The following KPNA7 variants were observed in gnomAD, a reference collection of about 807,000 sequenced individuals.
KPNA7 encodes the protein karyopherin subunit alpha 7.
KPNA7 carries 54 observed loss-of-function variants against 53.7 expected under a neutral mutation model. The ratio of observed to expected loss-of-function variants is 1.01; its 90% CI spans 0.81 to 1.26. The LOEUF (loss-of-function observed/expected upper bound fraction) is 1.26, where lower values mean the gene tolerates loss of function less well. Among genes scored for constraint, KPNA7 ranks in the 50% most tolerant of loss-of-function variants. KPNA7 has a pLI of 0.00. For missense variants in KPNA7, 640 were observed against 644.5 expected (o/e 0.99, Z 0.07); for synonymous variants, 276 against 259.3 (o/e 1.06, Z -0.62).
the KPNA7 span, among the ~76,000 whole-genome samples, chr7:99,156,364 T>G: frequency 1.2e-3 from 190 of 152,316 alleles, 1 homozygote; most frequent in African/African-American, 4.4e-3. Flanking sequence ...TCTCATTCTT[T>G]TATAGGTAAT....
At chr7:99,195,399 T>A in intron 4 of KPNA7, 61 bp from the exon 5 acceptor site, 1 of 1,477,122 alleles carries the variant, frequency 6.8e-7, no homozygotes, top group Non-Finnish European at 9.2e-7. Context: ...ATTAAGGACC[T>A]CCTTTTAGGC....
At position 99,188,389 on chromosome 7, in the gene KPNA7, C is replaced by T. The variant is rs183724463; in HGVS notation, c.811G>A (p.Gly271Ser). ...ACWALSYLTD[G>S]SNKRIGQVVN... Reference sequence around the variant, plus strand: ...ACTTGGCCGATGCGCTTGTTGGAGCCGTCGGTGAGGTAGGACAGTGCCCAG... The same window carrying T: ...ACTTGGCCGATGCGCTTGTTGGAGCTGTCGGTGAGGTAGGACAGTGCCCAG... Residue 271 changes from glycine (G) to serine (S), a missense_variant, in exon 7 of 11, where the codon GGC becomes AGC. Transcript: ENST00000327442. 1.7e-4 allele frequency: 271 copies of T among 1,551,566 alleles called. No individual in the cohort carries two copies. The highest frequency in any genetic ancestry group is 5.6e-4 in the East Asian group (23 of 40,910).
At chr7:99,205,030 T>C (rs936054992) in intron 2 of KPNA7, among the ~76,000 whole-genome samples, 1 of 152,178 alleles carries the variant, frequency 6.6e-6, no homozygotes, top group Non-Finnish European at 1.5e-5. Flanking sequence ...TTCCTGTTGC[T>C]GTGAAGACTC....
chr7:99,206,298 T>C (rs1489577600), intron 2 of KPNA7, among the ~76,000 whole-genome samples: 1 of 151,790 alleles, frequency 6.6e-6, no homozygotes, highest in Non-Finnish European at 1.5e-5. Flanking sequence ...GTAGCTGGGA[T>C]TACAGGCCCC....
At chr7:99,152,468 G>A in the KPNA7 span, among the ~76,000 whole-genome samples, 1 of 152,114 alleles carries the variant, frequency 6.6e-6, no homozygotes, top group African/African-American at 2.4e-5. Flanking sequence ...AATATGCCTT[G>A]GATATGGGCA....
At position 99,214,278 on chromosome 7, in the gene KPNA7, C is replaced by CAA. The variant is rs112803395; in HGVS notation, c.-23-6791_-23-6790dup. Among the ~76,000 whole-genome samples, 122 of 111,476 alleles carry CAA rather than the reference C, an allele frequency of 1.1e-3. 1 individual carries two copies. In the East Asian group the frequency reaches 0.025, roughly 23 times the overall value. 73.1% of individuals were successfully genotyped at this position (111,476 alleles called of 152,430 possible). A position where few individuals can be genotyped will look rare whatever the true frequency, so the allele number is the denominator to read the frequency against. On this transcript the variant is annotated intron_variant, in intron 1 of 10. Transcript: ENST00000681060. ...AAACCCCGTCTCTACTAAAAATATA[C>CAA]AAAAAAAAAAAAAAATTAGCCAGGG...
chr7:99,178,942 GC>G (rs1799038777), intron 9 of KPNA7, among the ~76,000 whole-genome samples: 1 of 151,660 alleles, frequency 6.6e-6, no homozygotes, highest in South Asian at 2.1e-4. Flanking sequence ...GCCATGCCAG[GC>G]TTTTTTGTAT....
intron 6 of KPNA7, among the ~76,000 whole-genome samples, chr7:99,192,544 C>G (rs1465259175): frequency 6.6e-6 from 1 of 152,180 alleles, no homozygotes; most frequent in Non-Finnish European, 1.5e-5. Flanking sequence ...TCCTGAGTAG[C>G]TGAGACTACA....
At chr7:99,186,963 C>T (rs1342914706) in intron 7 of KPNA7, among the ~76,000 whole-genome samples, 1 of 152,092 alleles carries the variant, frequency 6.6e-6, no homozygotes, top group Non-Finnish European at 1.5e-5. Context: ...CATTTCAAAG[C>T]AGTATATGAT....
chr7:99,211,214 G>T (rs1292839082), upstream of KPNA7, among the ~76,000 whole-genome samples: 2 of 152,196 alleles, frequency 1.3e-5, no homozygotes, highest in Non-Finnish European at 1.5e-5. Flanking sequence ...GAGGTCAGGA[G>T]TTCGAGACCA....
intron 7 of KPNA7, among the ~76,000 whole-genome samples, chr7:99,185,841 A>C (rs928144554): frequency 3.9e-5 from 6 of 152,066 alleles, no homozygotes; most frequent in Non-Finnish European, 8.8e-5. Context: ...CCCAGACTGG[A>C]GTATAGTGGT....
intron 5 of KPNA7, among the ~76,000 whole-genome samples, chr7:99,194,487 G>C (rs7789312): frequency 6.6e-6 from 1 of 152,066 alleles, no homozygotes; most frequent in Non-Finnish European, 1.5e-5. Flanking sequence ...TTGAAGCCAC[G>C]AAGCCCTGAG....
intron 10 of KPNA7, 85 bp downstream of exon 10, chr7:99,177,835 C>T: frequency 1.4e-6 from 2 of 1,420,888 alleles, no homozygotes; most frequent in East Asian, 2.5e-5. Flanking sequence ...CCACACGCAA[C>T]AGCCCAGGCC....
chr7:99,206,617 C>T (rs1262970451), intron 2 of KPNA7, among the ~76,000 whole-genome samples: 1 of 152,010 alleles, frequency 6.6e-6, no homozygotes, highest in Non-Finnish European at 1.5e-5. Flanking sequence ...TACAGGCACA[C>T]ACCACCACAC....
chr7:99,160,554 GTGCTGGGATTCAGGTT>G, the KPNA7 span, among the ~76,000 whole-genome samples: 1 of 151,990 alleles, frequency 6.6e-6, no homozygotes. Context: ...GCCTCCCAAA[GTGCTGGGATTCAGGTT>G]TGAGTCACTG....
At chr7:99,217,924 C>A (rs370421378) in intron 1 of KPNA7, among the ~76,000 whole-genome samples, 21 of 152,188 alleles carry the variant, frequency 1.4e-4, no homozygotes, top group East Asian at 5.8e-4. Context: ...AGCCTCCATG[C>A]CCGGCCCCAC....
chr7:99,203,346 T>C lies in KPNA7; in HGVS notation c.67-106A>G. 3 of 1,195,696 alleles carry C rather than the reference T, an allele frequency of 2.5e-6. No individual in the cohort carries two copies. In the South Asian group the frequency reaches 4.4e-5, roughly 18 times the overall value. The allele number at this position is 1,195,696 out of a possible 1,614,324, so 74.1% of individuals were successfully genotyped here. A position where few individuals can be genotyped will look rare whatever the true frequency, so the allele number is the denominator to read the frequency against. ...TCCAATTTCATTTTTACAGATACAA[T>C]AGGCTGGAAAAGTTCAGATCACACA... On this transcript the variant is annotated intron_variant, in intron 2 of 10. Coordinates refer to ENST00000327442, the MANE Select transcript of KPNA7 (RefSeq NM_001145715.3).
the KPNA7 span, among the ~76,000 whole-genome samples, chr7:99,148,814 C>T: frequency 3.9e-4 from 51 of 131,116 alleles, no homozygotes; most frequent in African/African-American, 1.4e-3. Flanking sequence ...CCAGGCTAGT[C>T]GCCTCAAGTG....
the KPNA7 span, among the ~76,000 whole-genome samples, chr7:99,158,999 G>A: frequency 4.6e-5 from 7 of 151,792 alleles, no homozygotes; most frequent in Non-Finnish European, 8.8e-5. Context: ...CGAGTAGTTG[G>A]GACTACAGGT....
Sources: gnomAD v4.1 joint callset for allele counts (sites outside exome capture counted in the v4.1 genomes callset) on GRCh38, gnomAD v4.1.1 for gene constraint, MANE v1.5 for transcripts, NCBI Gene and HGNC (gene_info 2026-07-23, HGNC 2026-07-21) for gene names.